RGL2: variants seen among roughly 807,000 people sequenced by gnomAD.
RGL2 encodes the protein ral guanine nucleotide dissociation stimulator-like 2.
In RGL2, 40 loss-of-function variants were observed where a neutral mutation model predicts 84.6. The observed-to-expected ratio is 0.47, with a 90% CI of 0.37 to 0.62. RGL2 has a LOEUF of 0.62. Among genes scored for constraint, RGL2 ranks in the 20% least tolerant of loss-of-function variants. The pLI is 0.00. For synonymous variants in RGL2, 369 were observed against 417.3 expected, an observed-to-expected ratio of 0.88 and a Z score of 1.41; for missense variants, 865 against 1,019.7, an observed-to-expected ratio of 0.85 and a Z score of 2.07.
chr6:33,301,032 G>A (rs1189806033), upstream of RGL2: 1 of 151,744 alleles, frequency 6.6e-6, no homozygotes, highest in Admixed American at 6.6e-5. Context: ...TTTTTCAGAA[G>A]CTACATGATA....
chr6:33,293,989 A>C lies in RGL2; in HGVS notation c.1386+45T>G, dbSNP rs755595818. The stretch of plus-strand genomic sequence containing the variant: ...GACTTTTCCCCCTCCCCTTCCTGGA[A>C]CATGGATAGGGAAGTCCAGCATCCA... On this transcript the variant is annotated intron_variant, in intron 12 of 17. Coordinates refer to ENST00000497454, the MANE Select transcript of RGL2 (RefSeq NM_004761.5). This position sits in a 1 kb window ranked among gnomAD's most constrained non-coding sequence, Gnocchi z 7.0. The C allele has an allele frequency of 2.1e-5, 34 of 1,613,930 alleles. No individual in the cohort carries two copies. In the East Asian group the frequency reaches 7.6e-4, roughly 36 times the overall value.
In RGL2 at chr6:33,295,875, G is replaced by T. The variant is rs1305855101; in HGVS notation, c.769-116C>A. 6.9e-7 allele frequency: 1 copy of T among 1,450,458 alleles called. No individual in the cohort carries two copies. The highest frequency in any genetic ancestry group is 9.5e-7 in the Non-Finnish European group (1 of 1,055,300). 89.8% of individuals were successfully genotyped at this position (1,450,458 alleles called of 1,614,324 possible). A position where few individuals can be genotyped will look rare whatever the true frequency, so the allele number is the denominator to read the frequency against. On this transcript the variant is annotated intron_variant, in intron 6 of 17. Coordinates refer to ENST00000497454, the MANE Select transcript of RGL2 (RefSeq NM_004761.5). This position sits in a 1 kb window ranked among gnomAD's most constrained non-coding sequence, Gnocchi z 7.2. ...ACCAGAGGGGCACAGGGTTTGAAGG[G>T]TAACGACCAAAGGGAAAAGGGGAGA...
chr6:33,292,393 C>G, intron 17 of RGL2, 37 bp downstream of exon 17: 1 of 1,606,868 alleles, frequency 6.2e-7, no homozygotes, highest in African/African-American at 1.3e-5. Flanking sequence ...GTACTCCACT[C>G]TCCTCCCGAG....
At position 33,297,421 on chromosome 6, in the gene RGL2, CCA is replaced by C; in HGVS notation, c.157-308_157-307del. 1 of 371,600 alleles carries C rather than the reference CCA, an allele frequency of 2.7e-6. No homozygotes were observed. Among genetic ancestry groups the C allele is most frequent in the Non-Finnish European group, 4.9e-6 (1 of 204,868 alleles). The allele number at this position is 371,600 out of a possible 1,614,324, so 23.0% of individuals were successfully genotyped here. On this transcript the variant is annotated intron_variant, in intron 2 of 17. Coordinates refer to ENST00000497454, the MANE Select transcript of RGL2 (RefSeq NM_004761.5). This position sits in a 1 kb window ranked among gnomAD's most constrained non-coding sequence, Gnocchi z 4.0. ...AAGCCCCTTCTCCCCAGAGCTGAAC[CCA>C]CACACGACAGAGAAGCAGGGTACAA...
upstream of RGL2, chr6:33,299,260 C>T (rs775295386): frequency 6.6e-6 from 1 of 152,248 alleles, no homozygotes; most frequent in Non-Finnish European, 1.5e-5. This position sits in a 1 kb window ranked among gnomAD's most constrained non-coding sequence, Gnocchi z 5.0. Flanking sequence ...ATTTGACATT[C>T]CCTTCCCCAA....
At position 33,295,042 on chromosome 6, in the gene RGL2, C is replaced by T. The variant is rs1325363166; in HGVS notation, c.1213G>A (p.Val405Met). The T allele has an allele frequency of 1.3e-6, 2 of 1,580,160 alleles. No homozygotes were observed. The highest frequency in any genetic ancestry group is 1.2e-5 in the South Asian group (1 of 86,614). Residue 405 changes from valine to methionine, a missense_variant, in exon 10 of 18, where the codon GTG (valine) becomes ATG (methionine). Coordinates refer to ENST00000497454, the MANE Select transcript of RGL2 (RefSeq NM_004761.5). The surrounding 1 kb of genome is among the most constrained non-coding windows in gnomAD (Gnocchi z 7.2). ...SQSRELLVQEVKLQSPLEPHS... is the reference protein window; with the variant it reads ...SQSRELLVQEMKLQSPLEPHS... ...GGCTCCAGAGGAGACTGCAGCTTCA[C>T]CTCCTGGTGGTGACAAAATAAAAGA...
In RGL2 at chr6:33,297,945, T is replaced by G. The variant is rs1235018553; in HGVS notation, c.156+510A>C. On this transcript the variant is annotated intron_variant, in intron 2 of 17. Transcript: ENST00000497454. This position sits in a 1 kb window ranked among gnomAD's most constrained non-coding sequence, Gnocchi z 4.0. Reference sequence around the variant, plus strand: ...TCTCTACCCACCCTAGGATCTTTCCTCCAGGTCCCAGAACCGTGGCTTCCC... The same window carrying G: ...TCTCTACCCACCCTAGGATCTTTCCGCCAGGTCCCAGAACCGTGGCTTCCC... 5.8e-5 allele frequency: 7 copies of G among 119,874 alleles called. No homozygotes were observed. The Admixed American group carries it at 5.9e-4, about 10-fold the overall frequency. The allele number at this position is 119,874 out of a possible 1,614,324, so 7.4% of individuals were successfully genotyped here.
rs753961215 is a variant in RGL2, at chr6:33,296,436, C to T, written c.448G>A (p.Asp150Asn). ...CACTCTGTTGTCCTCTCTAGTTCGT[C>T]GGTAGGATGAGATTCAAGGGCTTCC... ...RLEALESHPT[D>N]ELERTTEVAI... The change falls in exon 5 of 18, where the codon GAC (aspartate) becomes AAC (asparagine). Residue 150 changes from aspartate (D) to asparagine (N), a missense_variant. Asp to Asn is a conservative substitution (Grantham distance 23, BLOSUM62 1). Around this residue, in one of 5 missense-constraint regions of RGL2, gnomAD observed 455 missense variants for 507.8 expected, o/e 0.90. Transcript: ENST00000497454. This position sits in a 1 kb window ranked among gnomAD's most constrained non-coding sequence, Gnocchi z 5.0. 4.8e-5 allele frequency: 78 copies of T among 1,610,968 alleles called. No individual in the cohort carries two copies. Among genetic ancestry groups the T allele is most frequent in the Non-Finnish European group, 5.9e-5 (70 of 1,178,436 alleles).
chr6:33,298,534 C>T lies in RGL2; in HGVS notation c.77G>A (p.Arg26Gln). Residue 26 changes from arginine (R) to glutamine (Q), a missense_variant, in exon 2 of 18, where the codon CGG becomes CAG. By Grantham distance (43) the Arg-to-Gln change is conservative. Transcript: ENST00000497454. This position sits in a 1 kb window ranked among gnomAD's most constrained non-coding sequence, Gnocchi z 4.8. ...GGVVLSSFRS[R>Q]DPEEGGGPGG... The stretch of plus-strand genomic sequence containing the variant: ...TGGGCCCCCACCCTCTTCGGGGTCC[C>T]GGCTTCGGAAGCTGCTCAGTACGAC... 1 of 1,502,868 alleles carries T rather than the reference C, an allele frequency of 6.7e-7. No homozygotes were observed. The highest frequency in any genetic ancestry group is 8.9e-7 in the Non-Finnish European group (1 of 1,127,728). 93.1% of individuals were successfully genotyped at this position (1,502,868 alleles called of 1,614,324 possible). A position where few individuals can be genotyped will look rare whatever the true frequency, so the allele number is the denominator to read the frequency against.
At chr6:33,292,628 A>G (rs986159610) in intron 16 of RGL2, 84 bp from the exon 17 acceptor site, 12 of 1,125,008 alleles carry the variant, frequency 1.1e-5, no homozygotes, top group Middle Eastern at 2.0e-4. Flanking sequence ...CCAACCACAA[A>G]ATGTTACTTG....
chr6:33,297,891 A>G lies in RGL2; in HGVS notation c.156+564T>C, dbSNP rs970184085. On this transcript the variant is annotated intron_variant, in intron 2 of 17. Coordinates refer to ENST00000497454, the MANE Select transcript of RGL2 (RefSeq NM_004761.5). The surrounding 1 kb of genome is among the most constrained non-coding windows in gnomAD (Gnocchi z 4.0). Reference sequence around the variant, plus strand: ...CGAAATCCTGCTCCTGGCCACCACCATTAATCCCTAATGAAAACAGATGAC... The same window carrying G: ...CGAAATCCTGCTCCTGGCCACCACCGTTAATCCCTAATGAAAACAGATGAC... 1.3e-5 allele frequency: 2 copies of G among 150,682 alleles called. No homozygotes were observed. Among genetic ancestry groups the G allele is most frequent in the African/African-American group, 4.9e-5 (2 of 40,748 alleles). 9.3% of individuals were successfully genotyped at this position (150,682 alleles called of 1,614,324 possible).
rs1227286032 is a variant in RGL2 at position 33,296,636 on chromosome 6, G to A, written c.381C>T (p.Phe127=). The change falls in exon 4 of 18, where the codon TTC becomes TTT. Residue 127 remains phenylalanine (F), a synonymous_variant. Transcript: ENST00000497454. The surrounding 1 kb of genome is among the most constrained non-coding windows in gnomAD (Gnocchi z 5.0). ...GCCCTAGCAAGGCAGGCGTGGAGGT[G>A]AAGGCCCGGTGGGTAGCCAGGAAGG... ...MSAFLATHRA[F]TSTPALLGLM... The A allele has an allele frequency of 6.2e-7, 1 of 1,613,914 alleles. No homozygotes were observed. Among genetic ancestry groups the A allele is most frequent in the Non-Finnish European group, 8.5e-7 (1 of 1,180,006 alleles).
At chr6:33,292,918 C>G in intron 16 of RGL2, 98 bp downstream of exon 16, 1 of 1,430,968 alleles carries the variant, frequency 7.0e-7, no homozygotes, top group Non-Finnish European at 9.6e-7. Context: ...AAAATTAAAA[C>G]TACATTCAAT....
At position 33,294,678 on chromosome 6, in the gene RGL2, C is replaced by T. The variant is rs1204121944; in HGVS notation, c.1353+10G>A. The T allele has an allele frequency of 4.3e-6, 7 of 1,613,742 alleles. No individual in the cohort carries two copies. Among genetic ancestry groups the T allele is most frequent in the Non-Finnish European group, 5.9e-6 (7 of 1,179,876 alleles). On this transcript the variant is annotated intron_variant, in intron 11 of 17. Transcript: ENST00000497454. This position sits in a 1 kb window ranked among gnomAD's most constrained non-coding sequence, Gnocchi z 5.0. Reference sequence around the variant, plus strand: ...ACATCATTGCAATGACACACACACACACCACTGACCTCCAACTCATCCTTG... The same window carrying T: ...ACATCATTGCAATGACACACACACATACCACTGACCTCCAACTCATCCTTG...
chr6:33,293,148 A>T lies in RGL2; in HGVS notation c.1875T>A (p.Ser625Arg). The change falls in exon 16 of 18, where the codon AGT becomes AGA. Residue 625 changes from serine to arginine, a missense_variant. Physicochemically the swap from Ser to Arg is moderately radical, Grantham distance 110 (BLOSUM62 -1). Coordinates refer to ENST00000497454, the MANE Select transcript of RGL2 (RefSeq NM_004761.5). This position sits in a 1 kb window ranked among gnomAD's most constrained non-coding sequence, Gnocchi z 7.0. Reference protein sequence around the residue: ...RRSASCGSPLSGGAEEASGGT... With the variant: ...RRSASCGSPLRGGAEEASGGT... ...CCCCGGAGGCCTCTTCTGCACCCCC[A>T]CTCAGCGGGGAGCCACAGGAGGCTG... The T allele has an allele frequency of 6.2e-7, 1 of 1,610,056 alleles. No individual in the cohort carries two copies. The highest frequency in any genetic ancestry group is 8.5e-7 in the Non-Finnish European group (1 of 1,178,226).
Position 33,291,806 on chromosome 6 carries a change from C to A in RGL2, c.*296G>T. 1.8e-6 allele frequency: 1 copy of A among 561,522 alleles called. No homozygotes were observed. The highest frequency in any genetic ancestry group is 3.2e-6 in the Non-Finnish European group (1 of 316,574). The allele number at this position is 561,522 out of a possible 1,614,324, so 34.8% of individuals were successfully genotyped here. A position where few individuals can be genotyped will look rare whatever the true frequency, so the allele number is the denominator to read the frequency against. ...CCTTGAAGCCTTTGCTTGGCCCTTG[C>A]ATGTTAGGATATGGCCAAGAATCAG... On this transcript the variant is annotated 3_prime_UTR_variant, in exon 18 of 18. Coordinates refer to ENST00000497454, the MANE Select transcript of RGL2 (RefSeq NM_004761.5).
chr6:33,294,300 T>C lies in RGL2; in HGVS notation c.1354-234A>G, dbSNP rs139946236. 8.5e-3 allele frequency among the ~76,000 whole-genome samples: 1,298 copies of C among 152,126 alleles called. 19 individuals are homozygous for C. Among genetic ancestry groups the C allele is most frequent in the Middle Eastern group, 0.041 (12 of 292 alleles). On this transcript the variant is annotated intron_variant, in intron 11 of 17. Transcript: ENST00000497454. The surrounding 1 kb of genome is among the most constrained non-coding windows in gnomAD (Gnocchi z 5.0). ...GTAGACAACGAGTCTGCTTTGCAGA[T>C]GAGAGGACTGGATAGTATCCAATTC...
chr6:33,301,350 G>C (rs1339528369), upstream of RGL2: 1 of 183,104 alleles, frequency 5.5e-6, no homozygotes, highest in Non-Finnish European at 1.2e-5. Context: ...GAGGTGGGCA[G>C]ATCACCTGAG....
Position 33,296,948 on chromosome 6 carries a change from T to C in RGL2, c.240+84A>G. On this transcript the variant is annotated intron_variant, in intron 3 of 17. Coordinates refer to ENST00000497454, the MANE Select transcript of RGL2 (RefSeq NM_004761.5). This position sits in a 1 kb window ranked among gnomAD's most constrained non-coding sequence, Gnocchi z 5.0. ...AGTCCAGGACTCCAGAACTCCAACC[T>C]AGCACTCTGGCCAGAAAGTCAGCCA... 1 of 1,522,584 alleles carries C rather than the reference T, an allele frequency of 6.6e-7. No homozygotes were observed. The highest frequency in any genetic ancestry group is 9.1e-7 in the Non-Finnish European group (1 of 1,097,492). 94.3% of individuals were successfully genotyped at this position (1,522,584 alleles called of 1,614,324 possible). A position where few individuals can be genotyped will look rare whatever the true frequency, so the allele number is the denominator to read the frequency against.
Sources: allele counts gnomAD v4.1 joint callset (sites outside exome capture counted in the v4.1 genomes callset), GRCh38; gene constraint gnomAD v4.1.1; regional missense constraint gnomAD v4.1.1; non-coding constraint Gnocchi (gnomAD v3.1); transcripts MANE v1.5; gene names NCBI Gene and HGNC (gene_info 2026-07-23, HGNC 2026-07-21).